Variants in IGF1R observed in about 807,000 individuals in gnomAD.
IGF1R encodes insulin like growth factor 1 receptor, also known as insulin-like growth factor 1 receptor.
IGF1R carries 44 observed loss-of-function variants against 144.6 expected under a neutral mutation model. The ratio of observed to expected loss-of-function variants is 0.30; its 90% CI spans 0.24 to 0.39. The LOEUF (loss-of-function observed/expected upper bound fraction) is 0.39, where lower values mean the gene tolerates loss of function less well. IGF1R is among the 10% of genes least tolerant of loss of function. The pLI is 1.00. For synonymous variants in IGF1R, 795 were observed against 722.8 expected, an observed-to-expected ratio of 1.10 and a Z score of -1.60; for missense variants, 1,355 against 1,833.7, an observed-to-expected ratio of 0.74 and a Z score of 4.77.
intron 19 of IGF1R, among the ~76,000 whole-genome samples, chr15:98,945,216 T>G (rs1432240269): frequency 2.0e-5 from 3 of 152,244 alleles, no homozygotes; most frequent in Admixed American, 2.0e-4. Context: ...ATCTTTATTT[T>G]TTATTAAGAA....
chr15:98,909,467 C>T (rs1033432686), intron 6 of IGF1R, among the ~76,000 whole-genome samples: 5 of 151,962 alleles, frequency 3.3e-5, no homozygotes, highest in Non-Finnish European at 5.9e-5. Flanking sequence ...TCATGTTGGC[C>T]AGGCTGGCCT....
At chr15:98,665,894 T>C (rs973098032) in intron 1 of IGF1R, among the ~76,000 whole-genome samples, 1 of 147,990 alleles carries the variant, frequency 6.8e-6, no homozygotes, top group Non-Finnish European at 1.5e-5. Flanking sequence ...TAGTCCTGTT[T>C]AGGCAACTTG....
At chr15:98,659,483 C>G (rs139156466) in intron 1 of IGF1R, among the ~76,000 whole-genome samples, 1 of 152,136 alleles carries the variant, frequency 6.6e-6, no homozygotes, top group African/African-American at 2.4e-5. Flanking sequence ...CGATCCCAAC[C>G]CACTCTCTGG....
intron 6 of IGF1R, among the ~76,000 whole-genome samples, chr15:98,911,016 A>G (rs2684810): frequency 0.51 from 78,034 of 152,078 alleles, 23,855 homozygotes; most frequent in Non-Finnish European, 0.7. Flanking sequence ...AGATAAGTTC[A>G]CCTCGTTCAC....
At chr15:98,895,352 C>G (rs1291390592) in intron 3 of IGF1R, among the ~76,000 whole-genome samples, 2 of 152,052 alleles carry the variant, frequency 1.3e-5, no homozygotes, top group African/African-American at 4.8e-5. Flanking sequence ...TGTGGGATCT[C>G]TCTGTAACTT....
intron 5 of IGF1R, 135 bp downstream of exon 5, chr15:98,899,756 G>A: frequency 1.2e-6 from 1 of 856,938 alleles, no homozygotes. Flanking sequence ...TATTGCCTGT[G>A]CTGCTCGAGT....
chr15:98,767,405 T>C (rs998757671), intron 2 of IGF1R, among the ~76,000 whole-genome samples: 4 of 152,206 alleles, frequency 2.6e-5, no homozygotes, highest in African/African-American at 9.6e-5. Flanking sequence ...GGCATTTTGA[T>C]ACATGAGGCA....
chr15:98,917,197 A>G (rs1383708997), intron 10 of IGF1R, among the ~76,000 whole-genome samples: 1 of 152,112 alleles, frequency 6.6e-6, no homozygotes, highest in Non-Finnish European at 1.5e-5. Flanking sequence ...AAGAGTATTG[A>G]CAGCTGCTGC....
intron 1 of IGF1R, among the ~76,000 whole-genome samples, chr15:98,701,378 C>T (rs947222893): frequency 4.6e-5 from 6 of 130,800 alleles, no homozygotes; most frequent in African/African-American, 1.8e-4. Context: ...GTTCTGTCAC[C>T]CAGGCTGGAG....
chr15:98,963,168 GAC>G lies in IGF1R; in HGVS notation c.*5729_*5730del, dbSNP rs1030679215. On this transcript the variant is annotated 3_prime_UTR_variant, in exon 21 of 21. Coordinates refer to ENST00000650285, the MANE Select transcript of IGF1R (RefSeq NM_000875.5). ...TTATAATTGCCGAAAATAATTTAAA[GAC>G]ACTTTTTTTTTCTCTGTGTGTGCAA... 21 of 229,390 alleles carry G rather than the reference GAC, an allele frequency of 9.2e-5. No individual in the cohort carries two copies. The highest frequency in any genetic ancestry group is 3.2e-4 in the African/African-American group (14 of 43,738). 14.2% of individuals were successfully genotyped at this position (229,390 alleles called of 1,614,324 possible).
chr15:98,754,918 C>T (rs1171061675), intron 2 of IGF1R, among the ~76,000 whole-genome samples: 1 of 152,110 alleles, frequency 6.6e-6, no homozygotes, highest in African/African-American at 2.4e-5. Flanking sequence ...TCCTACCTTC[C>T]CAAGAAACAA....
chr15:98,786,767 C>T (rs1188484515), intron 2 of IGF1R, among the ~76,000 whole-genome samples: 1 of 152,084 alleles, frequency 6.6e-6, no homozygotes, highest in East Asian at 1.9e-4. Context: ...AATAACTGGG[C>T]CAGTGTCTGG....
intron 2 of IGF1R, among the ~76,000 whole-genome samples, chr15:98,768,264 C>T (rs1030331233): frequency 2.6e-5 from 4 of 152,042 alleles, no homozygotes; most frequent in Non-Finnish European, 4.4e-5. Context: ...GGAAAGTATT[C>T]GTTGGATGCC....
At chr15:98,717,759 A>T (rs1471253092) in intron 2 of IGF1R, among the ~76,000 whole-genome samples, 1 of 152,214 alleles carries the variant, frequency 6.6e-6, no homozygotes, top group African/African-American at 2.4e-5. Context: ...ATTAAATACC[A>T]TATTTTTTAA....
In IGF1R at chr15:98,964,455, C is replaced by T. The variant is rs768816311; in HGVS notation, c.*7013C>T. 9 of 225,244 alleles carry T rather than the reference C, an allele frequency of 4.0e-5. No homozygotes were observed. Among genetic ancestry groups the T allele is most frequent in the East Asian group, 1.3e-4 (2 of 15,266 alleles). 14.0% of individuals were successfully genotyped at this position (225,244 alleles called of 1,614,324 possible). A position where few individuals can be genotyped will look rare whatever the true frequency, so the allele number is the denominator to read the frequency against. On this transcript the variant is annotated 3_prime_UTR_variant, in exon 21 of 21. Coordinates refer to ENST00000650285, the MANE Select transcript of IGF1R (RefSeq NM_000875.5). The stretch of plus-strand genomic sequence containing the variant: ...TTTTGAATGGCTGAAGCTAAGGCAA[C>T]GTTAGTTTCTCTTACTCTGCTTTTT...
intron 10 of IGF1R, among the ~76,000 whole-genome samples, chr15:98,921,704 G>A (rs142025446): frequency 0.012 from 1,848 of 152,230 alleles, 19 homozygotes; most frequent in Non-Finnish European, 0.019. Context: ...ATATCCCTCT[G>A]CCCCAGGTCT....
At chr15:98,845,625 T>A (rs376377280) in intron 2 of IGF1R, among the ~76,000 whole-genome samples, 1 of 150,356 alleles carries the variant, frequency 6.7e-6, no homozygotes. Context: ...TCAGTTGAGA[T>A]GGGCCTGTGC....
intron 2 of IGF1R, among the ~76,000 whole-genome samples, chr15:98,712,715 T>C (rs2141267153): frequency 6.6e-6 from 1 of 151,844 alleles, no homozygotes; most frequent in Non-Finnish European, 1.5e-5. Context: ...GTTCAAGTGA[T>C]TCTACTGCCT....
intron 2 of IGF1R, among the ~76,000 whole-genome samples, chr15:98,886,684 A>G (rs959488961): frequency 1.3e-5 from 2 of 152,154 alleles, no homozygotes; most frequent in African/African-American, 4.8e-5. Flanking sequence ...TGGCGCTCGC[A>G]TGGAACAGCC....
Sources: allele counts gnomAD v4.1 joint callset (sites outside exome capture counted in the v4.1 genomes callset), GRCh38; gene constraint gnomAD v4.1.1; transcripts MANE v1.5; gene names NCBI Gene and HGNC (gene_info 2026-07-23, HGNC 2026-07-21).